GDI2: variants seen among roughly 807,000 people sequenced by gnomAD.
GDI2 encodes the protein GDP dissociation inhibitor 2.
A neutral mutation model predicts 54.2 loss-of-function variants in GDI2; 22 were observed. That is an observed-to-expected ratio of 0.41 (90% CI 0.29 to 0.58). The LOEUF (loss-of-function observed/expected upper bound fraction) is 0.58, where lower values mean the gene tolerates loss of function less well. GDI2 is among the 20% of genes least tolerant of loss of function. GDI2 has a pLI of 0.35. For missense variants in GDI2, 422 were observed against 546.0 expected (o/e 0.77, Z 2.26); for synonymous variants, 177 against 182.1 (o/e 0.97, Z 0.23).
chr10:5,800,826 A>C (rs147346114), intron 1 of GDI2, 121 bp from the exon 2 acceptor site: 2 of 667,942 alleles, frequency 3.0e-6, no homozygotes, highest in East Asian at 5.3e-5. Context: ...ATGCAACATG[A>C]CATAATTTAT....
At chr10:5,791,932 C>A (rs1310270812) in intron 4 of GDI2, among the ~76,000 whole-genome samples, 2 of 151,854 alleles carry the variant, frequency 1.3e-5, no homozygotes, top group African/African-American at 4.8e-5. Flanking sequence ...ACTGAATGAG[C>A]AGAAAACATC....
chr10:5,797,091 G>C (rs1229405190), intron 2 of GDI2, among the ~76,000 whole-genome samples: 1 of 152,126 alleles, frequency 6.6e-6, no homozygotes, highest in Non-Finnish European at 1.5e-5. Flanking sequence ...GCAGAAGTAA[G>C]GTTTTTCACT....
At chr10:5,773,979 T>A (rs373988648) in intron 6 of GDI2, 38 bp from the exon 7 acceptor site, 1 of 814,086 alleles carries the variant, frequency 1.2e-6, no homozygotes, top group Non-Finnish European at 2.1e-6. Flanking sequence ...TAATATATAG[T>A]TGTTTCAACT....
chr10:5,791,854 T>G (rs941138120), intron 4 of GDI2, among the ~76,000 whole-genome samples: 2 of 152,034 alleles, frequency 1.3e-5, no homozygotes, highest in African/African-American at 4.8e-5. Flanking sequence ...AGACAGAGGT[T>G]GCAGTGAGCC....
intron 7 of GDI2, among the ~76,000 whole-genome samples, chr10:5,773,259 C>G (rs1840540529): frequency 6.6e-6 from 1 of 152,164 alleles, no homozygotes; most frequent in African/African-American, 2.4e-5. Flanking sequence ...AAGCAGTGCA[C>G]TTTGAAGTGC....
chr10:5,777,950 C>T (rs1319374743), intron 6 of GDI2, among the ~76,000 whole-genome samples: 1 of 152,168 alleles, frequency 6.6e-6, no homozygotes. Context: ...GAATACTATG[C>T]AGCCATAAAA....
At chr10:5,807,434 T>A (rs1396942722) in intron 1 of GDI2, among the ~76,000 whole-genome samples, 1 of 152,236 alleles carries the variant, frequency 6.6e-6, no homozygotes, top group Non-Finnish European at 1.5e-5. Flanking sequence ...ACGAAACTTG[T>A]ATGTGAATGA....
rs1485226922 is a variant in GDI2 at position 5,776,440 on chromosome 10, C to T, written c.720-2499G>A. 14 of 835,532 alleles carry T rather than the reference C, an allele frequency of 1.7e-5. No homozygotes were observed. Among genetic ancestry groups the T allele is most frequent in the Admixed American group, 6.9e-5 (4 of 57,704 alleles). 51.8% of individuals were successfully genotyped at this position (835,532 alleles called of 1,614,324 possible). ...GGGATCTTTGACAGGGATCCAGACA[C>T]GCTACTATTTTTACTTTAGCAAAAG... On this transcript the variant is annotated intron_variant, in intron 6 of 10. Transcript: ENST00000380191. The surrounding 1 kb of genome is among the most constrained non-coding windows in gnomAD (Gnocchi z 5.3).
chr10:5,801,324 G>C (rs898957476), intron 1 of GDI2, among the ~76,000 whole-genome samples: 12 of 152,192 alleles, frequency 7.9e-5, no homozygotes, highest in African/African-American at 2.2e-4. Context: ...AATTAAGACA[G>C]GGCTCTAAAC....
At chr10:5,802,584 C>G (rs899233553) in intron 1 of GDI2, among the ~76,000 whole-genome samples, 17 of 125,060 alleles carry the variant, frequency 1.4e-4, no homozygotes, top group Non-Finnish European at 1.2e-4. Flanking sequence ...GGTGTCAGAG[C>G]AAGACTCCAT....
At position 5,768,190 on chromosome 10, in the gene GDI2, A is replaced by G. The variant is rs370177530; in HGVS notation, c.991+23T>C. 4.2e-5 allele frequency: 67 copies of G among 1,590,430 alleles called. No individual in the cohort carries two copies. The highest frequency in any genetic ancestry group is 1.0e-4 in the Admixed American group (6 of 59,276). ...TTATATCTTACAAAATTCTACCAACATCTGCTGGTCTTCAAACCTCACCTG... is the reference window on the plus strand; with the variant it reads ...TTATATCTTACAAAATTCTACCAACGTCTGCTGGTCTTCAAACCTCACCTG... On this transcript the variant is annotated intron_variant, in intron 8 of 10. Transcript: ENST00000380191. The surrounding 1 kb of genome is among the most constrained non-coding windows in gnomAD (Gnocchi z 4.4).
intron 6 of GDI2, among the ~76,000 whole-genome samples, chr10:5,783,875 T>G (rs574521222): frequency 6.6e-6 from 1 of 152,334 alleles, no homozygotes; most frequent in East Asian, 1.9e-4. Context: ...TAAGATTCTT[T>G]CCTTCATCTT....
intron 8 of GDI2, among the ~76,000 whole-genome samples, chr10:5,767,058 A>C (rs913845785): frequency 6.6e-6 from 1 of 152,230 alleles, no homozygotes; most frequent in African/African-American, 2.4e-5. Context: ...GTAAAACTGC[A>C]GAATCCACAT....
chr10:5,787,797 A>G (rs77702109), intron 4 of GDI2, among the ~76,000 whole-genome samples: 1,804 of 152,378 alleles, frequency 0.012, 32 homozygotes, highest in African/African-American at 0.04. Flanking sequence ...TAAAGCTATT[A>G]CTAACAGTTA....
chr10:5,773,855 T>C lies in GDI2; in HGVS notation c.806A>G (p.Lys269Arg). 1 of 1,422,078 alleles carries C rather than the reference T, an allele frequency of 7.0e-7. No individual in the cohort carries two copies. 88.1% of individuals were successfully genotyped at this position (1,422,078 alleles called of 1,614,324 possible). ...IVQNGKVIGV[K>R]SEGEIARCKQ... is the part of the protein sequence containing the mutation. ...AAAGCTACTTACTTCTCCTTCAGATTTTACACCAATTACTTTTCCATTCTG... is the reference window on the plus strand; with the variant it reads ...AAAGCTACTTACTTCTCCTTCAGATCTTACACCAATTACTTTTCCATTCTG... The change falls in exon 7 of 11, where the codon AAA (lysine) becomes AGA (arginine). Residue 269 changes from lysine to arginine, a missense_variant. Coordinates refer to ENST00000380191, the MANE Select transcript of GDI2 (RefSeq NM_001494.4).
At chr10:5,803,166 A>G (rs758869702) in intron 1 of GDI2, among the ~76,000 whole-genome samples, 30 of 152,300 alleles carry the variant, frequency 2.0e-4, no homozygotes, top group Non-Finnish European at 4.1e-4. Flanking sequence ...TCTTCTCACA[A>G]TTTTGTTTTA....
intron 6 of GDI2, among the ~76,000 whole-genome samples, chr10:5,781,504 A>G (rs1840754976): frequency 6.6e-6 from 1 of 151,792 alleles, no homozygotes; most frequent in Non-Finnish European, 1.5e-5. Context: ...AGGCGCCTGT[A>G]GTCCCAGCTA....
In GDI2 at chr10:5,768,209, T is replaced by C. The variant is rs756008851; in HGVS notation, c.991+4A>G. 1 of 1,611,348 alleles carries C rather than the reference T, an allele frequency of 6.2e-7. No homozygotes were observed. The highest frequency in any genetic ancestry group is 2.2e-5 in the East Asian group (1 of 44,860). On this transcript the variant is annotated splice_donor_region_variant and intron_variant, in intron 8 of 10. Transcript: ENST00000380191. This position sits in a 1 kb window ranked among gnomAD's most constrained non-coding sequence, Gnocchi z 4.4. ...ACCAACATCTGCTGGTCTTCAAACC[T>C]CACCTGACTTTCGATTGACTTGGTT...
chr10:5,775,010 C>T (rs151257946), intron 6 of GDI2, among the ~76,000 whole-genome samples: 8 of 152,342 alleles, frequency 5.3e-5, no homozygotes, highest in Non-Finnish European at 1.0e-4. Context: ...TCAGAAGGAA[C>T]TGAAGGCAGT....
Sources: allele counts gnomAD v4.1 joint callset (sites outside exome capture counted in the v4.1 genomes callset), GRCh38; gene constraint gnomAD v4.1.1; non-coding constraint Gnocchi (gnomAD v3.1); transcripts MANE v1.5; gene names NCBI Gene and HGNC (gene_info 2026-07-23, HGNC 2026-07-21).